Variants in FAM221A observed in about 807,000 individuals in gnomAD.
FAM221A encodes the protein protein FAM221A.
FAM221A carries 43 observed loss-of-function variants against 37.6 expected under a neutral mutation model. The ratio of observed to expected loss-of-function variants is 1.15; its 90% CI spans 0.90 to 1.48. The LOEUF is 1.48. Among genes scored for constraint, FAM221A ranks in the 40% most tolerant of loss-of-function variants. The pLI, the probability that FAM221A is intolerant of heterozygous loss-of-function variation, is 0.00. For missense variants in FAM221A, 361 were observed against 361.5 expected (o/e 1.00, Z 0.01); for synonymous variants, 135 against 132.9 (o/e 1.02, Z -0.11).
intron 4 of FAM221A, chr7:23,693,065 G>A (rs977009750): frequency 2.0e-5 from 3 of 152,144 alleles, no homozygotes. Context: ...ATTCCACACT[G>A]TAGATAAAGC....
At chr7:23,692,377 T>C in intron 4 of FAM221A, 1 of 358,936 alleles carries the variant, frequency 2.8e-6, no homozygotes, top group Non-Finnish European at 3.9e-6. Flanking sequence ...GTTTTGCTCT[T>C]CTTGCCCAGG....
At chr7:23,701,533 C>T (rs1323743282) in intron 6 of FAM221A, among the ~76,000 whole-genome samples, 1 of 152,172 alleles carries the variant, frequency 6.6e-6, no homozygotes, top group East Asian at 1.9e-4. Context: ...GCCACCGCGC[C>T]TGGTGCCTAT....
At chr7:23,686,261 A>T in intron 2 of FAM221A, 3 of 431,794 alleles carry the variant, frequency 6.9e-6, no homozygotes, top group South Asian at 4.9e-5. Flanking sequence ...AATTGATCCA[A>T]CTCAACTTTT....
At chr7:23,693,448 T>A (rs1411087624) in intron 4 of FAM221A, 1 of 151,992 alleles carries the variant, frequency 6.6e-6, no homozygotes, top group Non-Finnish European at 1.5e-5. Context: ...TTCTGTGAAT[T>A]GCCTATTCAT....
chr7:23,700,926 AATGATT>A, intron 6 of FAM221A, 58 bp downstream of exon 6: 3 of 1,100,022 alleles, frequency 2.7e-6, no homozygotes, highest in Non-Finnish European at 4.1e-6. Flanking sequence ...AAAGCACTAG[AATGATT>A]ATACATTGAA....
intron 2 of FAM221A, chr7:23,688,369 A>T (rs1784495419): frequency 6.6e-6 from 1 of 152,128 alleles, no homozygotes; most frequent in African/African-American, 2.4e-5. Context: ...TCTTTGATTA[A>T]TATTGAGAAT....
intron 1 of FAM221A, 74 bp downstream of exon 1, chr7:23,680,357 G>C: frequency 1.6e-6 from 2 of 1,245,998 alleles, no homozygotes; most frequent in Non-Finnish European, 2.2e-6. Context: ...GGCGCGAGCA[G>C]GGGCCCGGCG....
intron 4 of FAM221A, among the ~76,000 whole-genome samples, chr7:23,696,794 A>G (rs1247623650): frequency 2.0e-5 from 3 of 152,154 alleles, no homozygotes; most frequent in Non-Finnish European, 4.4e-5. Flanking sequence ...GTATAGAGGA[A>G]CCTAGGGACA....
rs1785516506 is a variant in FAM221A at position 23,702,454 on chromosome 7, GT to G, written c.*293del. 1 of 188,410 alleles carries G rather than the reference GT, an allele frequency of 5.3e-6. No individual in the cohort carries two copies. The highest frequency in any genetic ancestry group is 1.1e-5 in the Non-Finnish European group (1 of 91,952). 11.7% of individuals were successfully genotyped at this position (188,410 alleles called of 1,614,324 possible). A position where few individuals can be genotyped will look rare whatever the true frequency, so the allele number is the denominator to read the frequency against. On this transcript the variant is annotated 3_prime_UTR_variant, in exon 7 of 7. Coordinates refer to ENST00000344962, the MANE Select transcript of FAM221A (RefSeq NM_199136.5). ...GTTTTTAGTACATAATAATTTAACT[GT>G]TTCAGGTATTTAAAAAATTAAAGAT...
chr7:23,688,659 G>A (rs1179773756), intron 2 of FAM221A: 1 of 143,154 alleles, frequency 7.0e-6, no homozygotes, highest in African/African-American at 2.6e-5. Context: ...TTTTTGAGAT[G>A]GAGTTTCGCT....
chr7:23,693,425 T>C (rs1162802422), intron 4 of FAM221A: 1 of 152,188 alleles, frequency 6.6e-6, no homozygotes, highest in Non-Finnish European at 1.5e-5. Context: ...TCATATTTAT[T>C]GGCCATTTCA....
intron 2 of FAM221A, chr7:23,686,375 G>A (rs1273508955): frequency 5.8e-6 from 2 of 343,710 alleles, no homozygotes; most frequent in Non-Finnish European, 1.1e-5. Context: ...GCGATCCTTC[G>A]ACCTCAGCCT....
In FAM221A at chr7:23,699,390, G is replaced by A. The variant is rs73079089; in HGVS notation, c.745+1091G>A. Among the ~76,000 whole-genome samples the A allele has an allele frequency of 7.1e-3, 1,073 of 152,008 alleles. 3 individuals carry two copies. Among genetic ancestry groups the A allele is most frequent in the South Asian group, 0.026 (125 of 4,806 alleles). Reference sequence around the variant, plus strand: ...CCTGCCTCAGCTTCCCAAAGCACTAGGATTATAGCTATGTGTCACTGCTCC... The same window carrying A: ...CCTGCCTCAGCTTCCCAAAGCACTAAGATTATAGCTATGTGTCACTGCTCC... On this transcript the variant is annotated intron_variant, in intron 5 of 6. Coordinates refer to ENST00000344962, the MANE Select transcript of FAM221A (RefSeq NM_199136.5).
intron 2 of FAM221A, among the ~76,000 whole-genome samples, chr7:23,685,645 G>C (rs1392312852): frequency 6.6e-6 from 1 of 152,184 alleles, no homozygotes; most frequent in Non-Finnish European, 1.5e-5. Context: ...AGGATCTGCT[G>C]TGTCGATACC....
At chr7:23,700,188 G>A (rs1210791022) in intron 5 of FAM221A, among the ~76,000 whole-genome samples, 1 of 152,160 alleles carries the variant, frequency 6.6e-6, no homozygotes, top group Non-Finnish European at 1.5e-5. Flanking sequence ...CTTTGGAAAT[G>A]AAGGGACCCA....
intron 5 of FAM221A, among the ~76,000 whole-genome samples, chr7:23,698,712 A>G (rs1785215872): frequency 6.6e-6 from 1 of 152,200 alleles, no homozygotes; most frequent in African/African-American, 2.4e-5. Context: ...ATTTTTAAGC[A>G]CCAGTATTCT....
chr7:23,684,392 A>AACAGGCCTGC, intron 1 of FAM221A, 107 bp from the exon 2 acceptor site: 29 of 883,050 alleles, frequency 3.3e-5, no homozygotes, highest in Non-Finnish European at 4.7e-5. Context: ...AGACAGATTT[A>AACAGGCCTGC]CAAAATAAAA....
chr7:23,690,672 A>G (rs1784691340), intron 3 of FAM221A, among the ~76,000 whole-genome samples: 1 of 152,184 alleles, frequency 6.6e-6, no homozygotes, highest in African/African-American at 2.4e-5. Flanking sequence ...AATGATTTTT[A>G]ATATATAATC....
intron 1 of FAM221A, among the ~76,000 whole-genome samples, chr7:23,681,678 G>T (rs895592948): frequency 9.9e-5 from 15 of 152,186 alleles, no homozygotes; most frequent in African/African-American, 3.6e-4. Flanking sequence ...AAAGTGTTGG[G>T]ATTACAGGCC....
Sources: gnomAD v4.1 joint callset for allele counts (sites outside exome capture counted in the v4.1 genomes callset) on GRCh38, gnomAD v4.1.1 for gene constraint, MANE v1.5 for transcripts, NCBI Gene and HGNC (gene_info 2026-07-23, HGNC 2026-07-21) for gene names.